ST6GALNAC6: variants seen among roughly 807,000 people sequenced by gnomAD.
ST6GALNAC6 encodes the protein ST6 N-acetylgalactosaminide alpha-2,6-sialyltransferase 6.
Under a neutral mutation model 34.3 loss-of-function variants are expected in ST6GALNAC6, and 19 were observed. The ratio of observed to expected loss-of-function variants is 0.55; its 90% CI spans 0.39 to 0.81. The LOEUF (loss-of-function observed/expected upper bound fraction) is 0.81, where lower values mean the gene tolerates loss of function less well. Ranked by LOEUF, ST6GALNAC6 falls within the 40% of genes least tolerant of loss-of-function variation. ST6GALNAC6 has a pLI of 0.00. For missense variants in ST6GALNAC6, 377 were observed against 467.7 expected, an observed-to-expected ratio of 0.81 and a Z score of 1.79; for synonymous variants, 185 against 182.1, an observed-to-expected ratio of 1.02 and a Z score of -0.13.
At position 127,890,916 on chromosome 9, in the gene ST6GALNAC6, C is replaced by A; in HGVS notation, c.425G>T (p.Gly142Val). Residue 142 changes from glycine to valine, a missense_variant, in exon 5 of 7, where the codon GGC becomes GTC. Physicochemically the swap from Gly to Val is moderately radical, Grantham distance 109. Transcript: ENST00000373146. The surrounding 1 kb of genome is among the most constrained non-coding windows in gnomAD (Gnocchi z 4.3). Reference sequence around the variant, plus strand: ...CTTGTTGCCCACATCAGCTGAGTAGCCAGTGGTGGGTGCATCATTCATGCG... The same window carrying A: ...CTTGTTGCCCACATCAGCTGAGTAGACAGTGGTGGGTGCATCATTCATGCG... ...TIRMNDAPTT[G>V]YSADVGNKTT... The A allele has an allele frequency of 6.2e-7, 1 of 1,614,148 alleles. No homozygotes were observed.
chr9:127,903,508 C>T (rs1469584871), upstream of ST6GALNAC6: 1 of 152,180 alleles, frequency 6.6e-6, no homozygotes, highest in Non-Finnish European at 1.5e-5. Flanking sequence ...CAGTTTGTTT[C>T]CAATTAAAAC....
At position 127,894,705 on chromosome 9, in the gene ST6GALNAC6, A is replaced by T. The variant is rs767096281; in HGVS notation, c.118-14T>A. On this transcript the variant is annotated splice_polypyrimidine_tract_variant and intron_variant, in intron 3 of 6. Coordinates refer to ENST00000373146, the MANE Select transcript of ST6GALNAC6 (RefSeq NM_013443.5). ...TGACCGCTGCTCCTGGAGAGAGGAGAGGTCAGTGAGGGCCCAGCTGCCGGG... is the reference window on the plus strand; with the variant it reads ...TGACCGCTGCTCCTGGAGAGAGGAGTGGTCAGTGAGGGCCCAGCTGCCGGG... The T allele has an allele frequency of 6.2e-7, 1 of 1,607,380 alleles. No individual in the cohort carries two copies. The highest frequency in any genetic ancestry group is 8.5e-7 in the Non-Finnish European group (1 of 1,175,754).
upstream of ST6GALNAC6, chr9:127,905,811 A>C (rs16930158): frequency 6.4e-3 from 2,565 of 402,420 alleles, 163 homozygotes; most frequent in East Asian, 0.22. Flanking sequence ...AGGGGTACTA[A>C]TCTGCCAAGA....
intron 4 of ST6GALNAC6, among the ~76,000 whole-genome samples, chr9:127,893,591 T>A (rs1174412293): frequency 6.6e-6 from 1 of 152,158 alleles, no homozygotes; most frequent in East Asian, 1.9e-4. Flanking sequence ...CACTCCCACT[T>A]TTCTGAGTGC....
Position 127,894,695 on chromosome 9 carries a change from G to A in ST6GALNAC6, c.118-4C>T. ...CGAACACTGCTGACCGCTGCTCCTG[G>A]AGAGAGGAGAGGTCAGTGAGGGCCC... On this transcript the variant is annotated splice_polypyrimidine_tract_variant and splice_region_variant and intron_variant, in intron 3 of 6. Transcript: ENST00000373146. 10 of 1,613,350 alleles carry A rather than the reference G, an allele frequency of 6.2e-6. No homozygotes were observed. Among genetic ancestry groups the A allele is most frequent in the Non-Finnish European group, 7.6e-6 (9 of 1,179,416 alleles).
chr9:127,891,731 GA>G (rs1830150853), intron 4 of ST6GALNAC6, among the ~76,000 whole-genome samples: 1 of 140,422 alleles, frequency 7.1e-6, no homozygotes, highest in South Asian at 2.4e-4. Flanking sequence ...GGGAGAAGGG[GA>G]GGGGGAGGGG....
At chr9:127,887,613 G>GA (rs1410177677) in intron 5 of ST6GALNAC6, 22 bp from the exon 6 acceptor site, 1 of 1,582,090 alleles carries the variant, frequency 6.3e-7, no homozygotes. Context: ...GAGGGGTCAC[G>GA]ATGAGGGCAC....
At position 127,891,020 on chromosome 9, in the gene ST6GALNAC6, C is replaced by T. The variant is rs746599041; in HGVS notation, c.321G>A (p.Gln107=). The T allele has an allele frequency of 6.2e-7, 1 of 1,614,052 alleles. No individual in the cohort carries two copies. Among genetic ancestry groups the T allele is most frequent in the African/African-American group, 1.3e-5 (1 of 75,044 alleles). The change falls in exon 5 of 7, where the codon CAG becomes CAA. Residue 107 remains glutamine (Q), a synonymous_variant. Transcript: ENST00000373146. ...GGCTGGAGCTGCTGACAATCACACA[C>T]TGGTGGCACCGAGAGGGCAGTGTCT... is the stretch of plus-strand genomic sequence containing the variant. ...GNKTLPSRCH[Q]CVIVSSSSHL... is the part of the protein sequence containing the mutation.
chr9:127,888,214 TAA>T (rs1251471260), intron 5 of ST6GALNAC6, among the ~76,000 whole-genome samples: 1 of 151,960 alleles, frequency 6.6e-6, no homozygotes, highest in African/African-American at 2.4e-5. Flanking sequence ...TACAAAAAAT[TAA>T]AACTTAGCCA....
chr9:127,891,477 C>T (rs924210653), intron 4 of ST6GALNAC6, among the ~76,000 whole-genome samples: 4 of 151,024 alleles, frequency 2.6e-5, no homozygotes, highest in African/African-American at 9.8e-5. Context: ...ATTAGCCAGG[C>T]GTGGTGGCGC....
Position 127,886,539 on chromosome 9 carries a change from A to T in ST6GALNAC6, c.*60T>A. 6.3e-7 allele frequency: 1 copy of T among 1,597,398 alleles called. No individual in the cohort carries two copies. Among genetic ancestry groups the T allele is most frequent in the Non-Finnish European group, 8.5e-7 (1 of 1,171,494 alleles). On this transcript the variant is annotated 3_prime_UTR_variant, in exon 7 of 7. Coordinates refer to ENST00000373146, the MANE Select transcript of ST6GALNAC6 (RefSeq NM_013443.5). The stretch of plus-strand genomic sequence containing the variant: ...TTGGCCAGAAGATGGTCCCTGGCCT[A>T]GCGGCTGGGCGGAGGCTGCTTCTCC...
chr9:127,886,533 T>A lies in ST6GALNAC6; in HGVS notation c.*66A>T. ...CCTTGATTGGCCAGAAGATGGTCCC[T>A]GGCCTAGCGGCTGGGCGGAGGCTGC... On this transcript the variant is annotated 3_prime_UTR_variant, in exon 7 of 7. Coordinates refer to ENST00000373146, the MANE Select transcript of ST6GALNAC6 (RefSeq NM_013443.5). 6.3e-7 allele frequency: 1 copy of A among 1,591,104 alleles called. No individual in the cohort carries two copies. The highest frequency in any genetic ancestry group is 8.6e-7 in the Non-Finnish European group (1 of 1,168,606).
intron 6 of ST6GALNAC6, 151 bp from the exon 7 acceptor site, chr9:127,886,939 G>A: frequency 2.7e-6 from 2 of 739,198 alleles, no homozygotes; most frequent in Non-Finnish European, 4.1e-6. Context: ...TGGGTGCAGG[G>A]TAGACTAGGT....
chr9:127,887,205 G>A (rs1364938471), intron 6 of ST6GALNAC6, among the ~76,000 whole-genome samples: 1 of 152,248 alleles, frequency 6.6e-6, no homozygotes, highest in African/African-American at 2.4e-5. Flanking sequence ...GGCCATGCTT[G>A]GTACCTGGTC....
Sources: allele counts gnomAD v4.1 joint callset (sites outside exome capture counted in the v4.1 genomes callset), GRCh38; gene constraint gnomAD v4.1.1; non-coding constraint Gnocchi (gnomAD v3.1); transcripts MANE v1.5; gene names NCBI Gene and HGNC (gene_info 2026-07-23, HGNC 2026-07-21).